TDRD7: variants seen among roughly 807,000 people sequenced by gnomAD.
TDRD7 encodes tudor domain containing 7, also known as tudor domain-containing protein 7.
In TDRD7, 47 loss-of-function variants were observed where a neutral mutation model predicts 109.8. That is an observed-to-expected ratio of 0.43 (90% CI 0.34 to 0.55). The LOEUF is 0.55. Ranked by LOEUF, TDRD7 falls within the 20% of genes least tolerant of loss-of-function variation. The pLI is 0.03. For synonymous variants in TDRD7, 424 were observed against 457.3 expected, an observed-to-expected ratio of 0.93 and a Z score of 0.93; for missense variants, 1,164 against 1,319.2, an observed-to-expected ratio of 0.88 and a Z score of 1.82.
chr9:97,461,177 T>C (rs1250217537), intron 7 of TDRD7, among the ~76,000 whole-genome samples: 2 of 151,928 alleles, frequency 1.3e-5, no homozygotes, highest in Non-Finnish European at 2.9e-5. Flanking sequence ...CTTAGTTCTA[T>C]AGAGTTATAG....
rs771800469 is a variant in TDRD7 at position 97,412,829 on chromosome 9, A to G, written c.-7+591A>G. The stretch of plus-strand genomic sequence containing the variant: ...GGTACAGAGCACCCAGCTGGGAGGG[A>G]AACATGGATCCGTGAGTAAGTTGTC... On this transcript the variant is annotated intron_variant, in intron 1 of 16. Coordinates refer to ENST00000355295, the MANE Select transcript of TDRD7 (RefSeq NM_014290.3). The surrounding 1 kb of genome is among the most constrained non-coding windows in gnomAD (Gnocchi z 4.3). 2.0e-5 allele frequency among the ~76,000 whole-genome samples: 3 copies of G among 152,188 alleles called. No individual in the cohort carries two copies. Among genetic ancestry groups the G allele is most frequent in the Non-Finnish European group, 4.4e-5 (3 of 68,028 alleles).
chr9:97,455,378 A>G (rs1404753002), intron 6 of TDRD7, among the ~76,000 whole-genome samples: 1 of 152,168 alleles, frequency 6.6e-6, no homozygotes, highest in African/African-American at 2.4e-5. Flanking sequence ...CAACAACAAA[A>G]AAACTTCAGC....
chr9:97,453,379 G>A (rs1828534979), intron 6 of TDRD7, among the ~76,000 whole-genome samples: 1 of 152,000 alleles, frequency 6.6e-6, no homozygotes, highest in African/African-American at 2.4e-5. Flanking sequence ...CTGGGGGCGG[G>A]GGGCAAGAAA....
chr9:97,423,367 C>CT (rs1182592932), intron 1 of TDRD7, among the ~76,000 whole-genome samples: 1 of 150,110 alleles, frequency 6.7e-6, no homozygotes, highest in African/African-American at 2.4e-5. Flanking sequence ...GATGGCCCCT[C>CT]TTTCAATCAC....
chr9:97,420,297 A>C (rs1206566513), intron 1 of TDRD7, among the ~76,000 whole-genome samples: 1 of 136,044 alleles, frequency 7.4e-6, no homozygotes, highest in Admixed American at 8.8e-5. Flanking sequence ...GCCAGGAGCC[A>C]GGGCAGTGTG....
At chr9:97,434,519 A>G (rs533995952) in intron 4 of TDRD7, among the ~76,000 whole-genome samples, 1 of 152,302 alleles carries the variant, frequency 6.6e-6, no homozygotes, top group South Asian at 2.1e-4. Context: ...AAGCATGTGA[A>G]GTAATGCATG....
intron 6 of TDRD7, among the ~76,000 whole-genome samples, chr9:97,451,273 A>G (rs562719535): frequency 1.3e-5 from 2 of 152,070 alleles, no homozygotes; most frequent in African/African-American, 2.4e-5. Context: ...ATTTATACAT[A>G]TATCTGCCAT....
chr9:97,460,252 A>T lies in TDRD7; in HGVS notation c.930A>T (p.Glu310Asp). 1.9e-6 allele frequency: 3 copies of T among 1,614,228 alleles called. No individual in the cohort carries two copies. Among genetic ancestry groups the T allele is most frequent in the Non-Finnish European group, 2.5e-6 (3 of 1,180,042 alleles). ...PAKRKQLLRS[E>D]LDTEKVPLSP... ...AGAGAAAGCAGCTTTTGAGAAGTGA[A>T]CTGGATACTGAGAAAGTACCTCTAT... The change falls in exon 7 of 17, where the codon GAA becomes GAT. Residue 310 changes from glutamate (E) to aspartate (D), a missense_variant. Around this residue, in one of 5 missense-constraint regions of TDRD7, gnomAD observed 407 missense variants for 394.0 expected, o/e 1.03. Coordinates refer to ENST00000355295, the MANE Select transcript of TDRD7 (RefSeq NM_014290.3).
At chr9:97,464,702 TCTC>T in intron 7 of TDRD7, 137 bp from the exon 8 acceptor site, 1 of 825,880 alleles carries the variant, frequency 1.2e-6, no homozygotes, top group South Asian at 1.4e-5. Context: ...GAATACACGT[TCTC>T]CTCCCTGTTG....
intron 3 of TDRD7, 112 bp from the exon 4 acceptor site, chr9:97,431,912 CA>C: frequency 1.0e-6 from 1 of 994,246 alleles, no homozygotes; most frequent in East Asian, 2.4e-5. Context: ...CGTGTTCTTA[CA>C]AACTGTTCTG....
chr9:97,478,733 T>C (rs575388306), intron 13 of TDRD7, 160 bp downstream of exon 13: 1 of 973,476 alleles, frequency 1.0e-6, no homozygotes, highest in Admixed American at 1.9e-5. Flanking sequence ...AAAACATTGC[T>C]GACTTAGACA....
Position 97,470,753 on chromosome 9 carries a change from C to G in TDRD7, c.1741+84C>G, listed in dbSNP as rs1828896954. 3.1e-6 allele frequency: 3 copies of G among 981,424 alleles called. No individual in the cohort carries two copies. In the African/African-American group the frequency reaches 4.8e-5, roughly 16 times the overall value. The allele number at this position is 981,424 out of a possible 1,614,324, so 60.8% of individuals were successfully genotyped here. ...TTGGATAGTTGAATCCTAAAATGGA[C>G]TAAGTATCTCATGTTATAATGTGTT... On this transcript the variant is annotated intron_variant, in intron 9 of 16. Coordinates refer to ENST00000355295, the MANE Select transcript of TDRD7 (RefSeq NM_014290.3).
At position 97,488,744 on chromosome 9, in the gene TDRD7, G is replaced by A. The variant is rs116890256; in HGVS notation, c.3076+1412G>A. 8.5e-3 allele frequency among the ~76,000 whole-genome samples: 1,289 copies of A among 152,230 alleles called. 35 individuals carry two copies. Among genetic ancestry groups the A allele is most frequent in the Admixed American group, 0.057 (879 of 15,294 alleles). ...TATTGGTACTTATGGTGTGCTAGGC[G>A]CTCTACCAGTCACTTTAGAGCTTTC... On this transcript the variant is annotated intron_variant, in intron 16 of 16. Transcript: ENST00000355295.
rs778855708 is a variant in TDRD7, at chr9:97,470,624, A to G, written c.1696A>G (p.Lys566Glu). The G allele has an allele frequency of 1.2e-6, 2 of 1,613,950 alleles. No individual in the cohort carries two copies. Among genetic ancestry groups the G allele is most frequent in the Non-Finnish European group, 1.7e-6 (2 of 1,179,944 alleles). ...AAGCAAAGCATACAAATTAAACCCG[A>G]AGTTTTGTTCACTCTCATTTCAAGC... ...EKSKAYKLNPKFCSLSFQATK... is the reference protein window; with the variant it reads ...EKSKAYKLNPEFCSLSFQATK... Residue 566 changes from lysine to glutamate, a missense_variant, in exon 9 of 17, where the codon AAG becomes GAG. Physicochemically the swap from Lys to Glu is moderately conservative, Grantham distance 56. This residue lies in a region of TDRD7 where 261 missense variants were observed against 336.2 expected (regional missense o/e 0.78). Coordinates refer to ENST00000355295, the MANE Select transcript of TDRD7 (RefSeq NM_014290.3).
chr9:97,426,820 A>G (rs973233774), intron 1 of TDRD7, among the ~76,000 whole-genome samples: 1 of 152,228 alleles, frequency 6.6e-6, no homozygotes, highest in Non-Finnish European at 1.5e-5. Flanking sequence ...CAGGACAAAC[A>G]GGCTGATATT....
intron 1 of TDRD7, among the ~76,000 whole-genome samples, chr9:97,419,568 A>T (rs1827864944): frequency 6.6e-6 from 1 of 152,172 alleles, no homozygotes; most frequent in South Asian, 2.1e-4. Context: ...GCTCCCTGGC[A>T]TTCATTCAGA....
At chr9:97,466,910 G>A (rs1229348213) in intron 8 of TDRD7, among the ~76,000 whole-genome samples, 1 of 152,200 alleles carries the variant, frequency 6.6e-6, no homozygotes, top group Non-Finnish European at 1.5e-5. Context: ...CCATCAAACT[G>A]TATTGTAAAC....
intron 11 of TDRD7, among the ~76,000 whole-genome samples, chr9:97,474,626 C>T (rs1049409554): frequency 1.3e-5 from 2 of 152,190 alleles, no homozygotes; most frequent in African/African-American, 4.8e-5. Context: ...TTCTGTGTTA[C>T]AGAGGTTTAA....
intron 7 of TDRD7, among the ~76,000 whole-genome samples, chr9:97,463,232 G>T (rs1280929531): frequency 6.6e-6 from 1 of 151,422 alleles, no homozygotes; most frequent in African/African-American, 2.4e-5. Flanking sequence ...ACACAGCAGT[G>T]AAACCCTGTC....
Sources: gnomAD v4.1 joint callset for allele counts (sites outside exome capture counted in the v4.1 genomes callset) on GRCh38, gnomAD v4.1.1 for gene constraint, gnomAD v4.1.1 regional missense constraint, Gnocchi (gnomAD v3.1) non-coding constraint, MANE v1.5 for transcripts, NCBI Gene and HGNC (gene_info 2026-07-23, HGNC 2026-07-21) for gene names.